LHFPL2: variants seen among roughly 807,000 people sequenced by gnomAD.
The protein encoded by LHFPL2 is LHFPL tetraspan subfamily member 2, also known as LHFPL tetraspan subfamily member 2 protein.
Under a neutral mutation model 17.5 loss-of-function variants are expected in LHFPL2, and 7 were observed. The ratio of observed to expected loss-of-function variants is 0.40; its 90% CI spans 0.23 to 0.75. The LOEUF (loss-of-function observed/expected upper bound fraction) is 0.75. LHFPL2 is among the 30% of genes least tolerant of loss of function. LHFPL2 has a pLI of 0.37. For missense variants in LHFPL2, 241 were observed against 294.8 expected (o/e 0.82, Z 1.34); for synonymous variants, 134 against 116.2 (o/e 1.15, Z -0.99).
At chr5:78,587,200 G>A (rs920674627) in intron 2 of LHFPL2, among the ~76,000 whole-genome samples, 38 of 152,068 alleles carry the variant, frequency 2.5e-4, no homozygotes, top group African/African-American at 8.7e-4. Flanking sequence ...AAGTTAAAAT[G>A]TCTGTTGCAA....
At chr5:78,620,818 A>ATTATT (rs1744825742) in intron 2 of LHFPL2, among the ~76,000 whole-genome samples, 1 of 152,232 alleles carries the variant, frequency 6.6e-6, no homozygotes, top group Non-Finnish European at 1.5e-5. Context: ...GCAGCTCCAA[A>ATTATT]CTATTCTCAA....
intron 1 of LHFPL2, among the ~76,000 whole-genome samples, chr5:78,645,806 C>A (rs947824267): frequency 1.3e-5 from 2 of 152,156 alleles, no homozygotes; most frequent in African/African-American, 4.8e-5. Flanking sequence ...TGGTCTCGAA[C>A]CCCTGACCTC....
intron 2 of LHFPL2, among the ~76,000 whole-genome samples, chr5:78,611,894 A>G (rs1744434928): frequency 6.6e-6 from 1 of 152,164 alleles, no homozygotes; most frequent in South Asian, 2.1e-4. Context: ...ATTTTCCCAC[A>G]TGTGATACAG....
At chr5:78,634,537 G>A (rs564732470) in intron 1 of LHFPL2, among the ~76,000 whole-genome samples, 20 of 152,250 alleles carry the variant, frequency 1.3e-4, no homozygotes, top group African/African-American at 4.3e-4. Context: ...CAAACACACC[G>A]CCACACCTGC....
intron 1 of LHFPL2, among the ~76,000 whole-genome samples, chr5:78,643,050 GC>G (rs1244581197): frequency 2.6e-5 from 4 of 151,892 alleles, no homozygotes; most frequent in Non-Finnish European, 5.9e-5. Context: ...GCATTCACCT[GC>G]TACAAATGCT....
chr5:78,491,023 T>C (rs1052115892), intron 4 of LHFPL2: 2 of 152,226 alleles, frequency 1.3e-5, no homozygotes, highest in African/African-American at 4.8e-5. Context: ...AAAACATGAC[T>C]GACTTTATGG....
At chr5:78,617,323 C>A (rs1012907054) in intron 2 of LHFPL2, among the ~76,000 whole-genome samples, 3 of 152,226 alleles carry the variant, frequency 2.0e-5, no homozygotes, top group African/African-American at 7.2e-5. Context: ...AGCCACCATG[C>A]CCAGCCTAGA....
chr5:78,603,402 T>C (rs1744094384), intron 2 of LHFPL2, among the ~76,000 whole-genome samples: 1 of 152,234 alleles, frequency 6.6e-6, no homozygotes, highest in Admixed American at 6.5e-5. Flanking sequence ...AGTCGATTCT[T>C]TTTTCCTTCC....
intron 3 of LHFPL2, among the ~76,000 whole-genome samples, chr5:78,542,315 C>G (rs1389649192): frequency 6.6e-6 from 1 of 152,156 alleles, no homozygotes; most frequent in African/African-American, 2.4e-5. Context: ...GTAGGCCAAT[C>G]AAAGAAGCCC....
chr5:78,510,469 G>T (rs1580759000), intron 3 of LHFPL2, 71 bp from the exon 4 acceptor site: 4 of 490,396 alleles, frequency 8.2e-6, no homozygotes, highest in Middle Eastern at 5.2e-4. Flanking sequence ...CAGCGACACC[G>T]TCCAAGTCCG....
intron 3 of LHFPL2, among the ~76,000 whole-genome samples, chr5:78,524,742 C>CAAAAAAA (rs34179854): frequency 9.3e-5 from 11 of 117,780 alleles, no homozygotes; most frequent in African/African-American, 3.6e-4. Context: ...ACCCTGTTCT[C>CAAAAAAA]AAAAAAAAAA....
intron 3 of LHFPL2, among the ~76,000 whole-genome samples, chr5:78,550,924 G>A (rs1237480500): frequency 6.6e-6 from 1 of 152,180 alleles, no homozygotes; most frequent in Non-Finnish European, 1.5e-5. Flanking sequence ...AGGGAATAGA[G>A]AGAATTTATT....
rs535781013 is a variant in LHFPL2 at position 78,539,810 on chromosome 5, CT to C, written c.-186+25002del. Among the ~76,000 whole-genome samples the C allele has an allele frequency of 7.6e-4, 102 of 133,702 alleles. 3 individuals carry two copies. The East Asian group carries it at 0.016, about 21-fold the overall frequency. 87.7% of individuals were successfully genotyped at this position (133,702 alleles called of 152,430 possible). A position where few individuals can be genotyped will look rare whatever the true frequency, so the allele number is the denominator to read the frequency against. On this transcript the variant is annotated intron_variant, in intron 3 of 4. Coordinates refer to ENST00000380345, the MANE Select transcript of LHFPL2 (RefSeq NM_005779.3). Reference sequence around the variant, plus strand: ...CAACTTCTACATGAACCAGGCAAGACTTTTGCTTTTTTTTTTTTTTTTTTAA... The same window carrying C: ...CAACTTCTACATGAACCAGGCAAGACTTTGCTTTTTTTTTTTTTTTTTTAA...
chr5:78,510,367 T>C lies in LHFPL2; in HGVS notation c.-154A>G. On this transcript the variant is annotated 5_prime_UTR_variant, in exon 4 of 5. Transcript: ENST00000380345. Reference sequence around the variant, plus strand: ...GCCGCGTTCATGCTGGGGACAGCGCTCCCGGACCCAGAGCACCGCCTGCGG... The same window carrying C: ...GCCGCGTTCATGCTGGGGACAGCGCCCCCGGACCCAGAGCACCGCCTGCGG... 1.3e-6 allele frequency: 1 copy of C among 759,852 alleles called. No individual in the cohort carries two copies. 47.1% of individuals were successfully genotyped at this position (759,852 alleles called of 1,614,324 possible).
intron 2 of LHFPL2, among the ~76,000 whole-genome samples, chr5:78,612,730 C>T (rs535597148): frequency 1.2e-4 from 18 of 152,334 alleles, no homozygotes; most frequent in South Asian, 8.3e-4. Flanking sequence ...CAGTAAACAG[C>T]GACAACCCAG....
chr5:78,632,845 C>T (rs193289231), intron 1 of LHFPL2, among the ~76,000 whole-genome samples: 2 of 152,176 alleles, frequency 1.3e-5, no homozygotes, highest in Non-Finnish European at 2.9e-5. Flanking sequence ...ATTTCAGAGG[C>T]ATCAAAGGAA....
intron 4 of LHFPL2, among the ~76,000 whole-genome samples, chr5:78,500,691 T>C (rs1202275669): frequency 2.0e-5 from 3 of 152,192 alleles, no homozygotes; most frequent in African/African-American, 4.8e-5. Context: ...GTAGGAGTTA[T>C]AACATGAATC....
rs185458336 is a variant in LHFPL2 at position 78,613,943 on chromosome 5, A to G, written c.-245+18321T>C. 9.2e-4 allele frequency among the ~76,000 whole-genome samples: 140 copies of G among 152,310 alleles called. 1 individual carries two copies. Among genetic ancestry groups the G allele is most frequent in the African/African-American group, 3.3e-3 (136 of 41,562 alleles). ...AGGAATAAACAGCTATCTCTGTAAG[A>G]GAGCCCTGGTCAACATACTCCCTGG... On this transcript the variant is annotated intron_variant, in intron 2 of 4. Coordinates refer to ENST00000380345, the MANE Select transcript of LHFPL2 (RefSeq NM_005779.3).
chr5:78,561,275 G>A (rs536450193), intron 3 of LHFPL2, among the ~76,000 whole-genome samples: 1 of 152,336 alleles, frequency 6.6e-6, no homozygotes, highest in African/African-American at 2.4e-5. Flanking sequence ...AAATTTTAAA[G>A]TAAGTAGAAA....
Sources: gnomAD v4.1 joint callset for allele counts (sites outside exome capture counted in the v4.1 genomes callset) on GRCh38, gnomAD v4.1.1 for gene constraint, MANE v1.5 for transcripts, NCBI Gene and HGNC (gene_info 2026-07-23, HGNC 2026-07-21) for gene names.